The following PDE8A variants were observed in gnomAD, a reference collection of about 807,000 sequenced individuals.
PDE8A encodes the protein phosphodiesterase 8A.
In PDE8A, 59 loss-of-function variants were observed where a neutral mutation model predicts 105.0. That is an observed-to-expected ratio of 0.56 (90% confidence interval 0.46 to 0.70). The LOEUF is 0.70. Ranked by LOEUF, PDE8A falls within the 30% of genes least tolerant of loss-of-function variation. The probability of loss-of-function intolerance (pLI) is 0.00; values close to 1 mark genes in which losing one functional copy is unlikely to be tolerated. For missense variants in PDE8A, 1,014 were observed against 1,045.9 expected (o/e 0.97, Z 0.42); for synonymous variants, 355 against 371.9 (o/e 0.95, Z 0.52).
At chr15:85,091,968 T>C (rs2081651670) in intron 8 of PDE8A, among the ~76,000 whole-genome samples, 1 of 139,566 alleles carries the variant, frequency 7.2e-6, no homozygotes, top group Non-Finnish European at 1.5e-5. Context: ...ATTTCAAACA[T>C]TTGAAAAATT....
chr15:85,049,742 C>T (rs907113751), intron 1 of PDE8A, among the ~76,000 whole-genome samples: 1 of 152,188 alleles, frequency 6.6e-6, no homozygotes, highest in Non-Finnish European at 1.5e-5. Flanking sequence ...TCATTAGACA[C>T]TTGGGCTGTT....
At position 85,133,296 on chromosome 15, in the gene PDE8A, A is replaced by G. The variant is rs185346620; in HGVS notation, c.2254-3238A>G. Among the ~76,000 whole-genome samples the G allele has an allele frequency of 2.5e-4, 38 of 152,288 alleles. 1 individual carries two copies. The highest frequency in any genetic ancestry group is 2.0e-4 in the Admixed American group (3 of 15,292). On this transcript the variant is annotated intron_variant, in intron 20 of 21. Coordinates refer to ENST00000394553, the MANE Select transcript of PDE8A (RefSeq NM_002605.3). ...GCATCCATATTGGTCATCCCCCTGC[A>G]GCTTTCCTGAGCAGTAGTCATTGCT...
intron 8 of PDE8A, among the ~76,000 whole-genome samples, chr15:85,097,634 G>T (rs538896975): frequency 6.6e-6 from 1 of 152,312 alleles, no homozygotes; most frequent in Non-Finnish European, 1.5e-5. Flanking sequence ...TTCAGCAGGT[G>T]GGAGTTATGA....
At chr15:85,015,304 G>A (rs920064272) in intron 1 of PDE8A, among the ~76,000 whole-genome samples, 3 of 151,168 alleles carry the variant, frequency 2.0e-5, no homozygotes, top group East Asian at 1.9e-4. Context: ...ACAGCTCACC[G>A]GAGCCTCGAC....
chr15:85,060,309 A>T (rs914089514), intron 1 of PDE8A, among the ~76,000 whole-genome samples: 1 of 152,372 alleles, frequency 6.6e-6, no homozygotes, highest in East Asian at 1.9e-4. Flanking sequence ...TTCTACTCCT[A>T]TACTGCTTTA....
chr15:85,047,525 C>T (rs1178908480), intron 1 of PDE8A, among the ~76,000 whole-genome samples: 1 of 152,086 alleles, frequency 6.6e-6, no homozygotes, highest in Non-Finnish European at 1.5e-5. Context: ...ATAAAGTAAG[C>T]GTTCAGTGGT....
At position 84,982,239 on chromosome 15, in the gene PDE8A, T is replaced by C; in HGVS notation, c.77T>C (p.Leu26Pro). The C allele has an allele frequency of 4.1e-6, 6 of 1,466,800 alleles. No homozygotes were observed. The highest frequency in any genetic ancestry group is 5.4e-6 in the Non-Finnish European group (6 of 1,118,214). 90.9% of individuals were successfully genotyped at this position (1,466,800 alleles called of 1,614,324 possible). A position where few individuals can be genotyped will look rare whatever the true frequency, so the allele number is the denominator to read the frequency against. ...EDAPSPAAPP[L>P]SSGGPRLPQG... Reference sequence around the variant, plus strand: ...GCGCCTAGCCCCGCGGCACCGCCGCTGTCGTCCGGCGGGCCGCGCCTCCCG... The same window carrying C: ...GCGCCTAGCCCCGCGGCACCGCCGCCGTCGTCCGGCGGGCCGCGCCTCCCG... The change falls in exon 1 of 22, where the codon CTG becomes CCG. Residue 26 changes from leucine to proline, a missense_variant. Physicochemically the swap from Leu to Pro is moderately conservative, Grantham distance 98 (BLOSUM62 -3). Coordinates refer to ENST00000394553, the MANE Select transcript of PDE8A (RefSeq NM_002605.3).
At chr15:85,061,431 G>A (rs1198345065) in intron 1 of PDE8A, among the ~76,000 whole-genome samples, 1 of 151,874 alleles carries the variant, frequency 6.6e-6, no homozygotes, top group African/African-American at 2.4e-5. Context: ...GTAGAGACGG[G>A]GTTTCACCAT....
chr15:85,020,205 T>C (rs554929480), intron 1 of PDE8A, among the ~76,000 whole-genome samples: 47 of 152,314 alleles, frequency 3.1e-4, no homozygotes, highest in African/African-American at 1.1e-3. Flanking sequence ...TTATTTTTTA[T>C]GTGATCTGTC....
chr15:85,104,998 A>G (rs1348988476), intron 11 of PDE8A, among the ~76,000 whole-genome samples: 2 of 152,100 alleles, frequency 1.3e-5, no homozygotes, highest in African/African-American at 4.8e-5. Context: ...ATAAACATAC[A>G]GTATATCAGA....
chr15:85,088,782 T>A (rs1015578466), intron 6 of PDE8A, among the ~76,000 whole-genome samples: 1 of 152,244 alleles, frequency 6.6e-6, no homozygotes, highest in Non-Finnish European at 1.5e-5. Flanking sequence ...TTGTCACTTG[T>A]ATAATTTTAA....
At chr15:85,026,366 A>G (rs1004854144) in intron 1 of PDE8A, among the ~76,000 whole-genome samples, 4 of 152,112 alleles carry the variant, frequency 2.6e-5, no homozygotes, top group Non-Finnish European at 4.4e-5. Context: ...GCTGGGACCA[A>G]TGACCAGAAC....
In PDE8A at chr15:85,090,904, A is replaced by G. The variant is rs796534303; in HGVS notation, c.715-140A>G. On this transcript the variant is annotated intron_variant, in intron 7 of 21. Transcript: ENST00000394553. ...TCGTGGGTTATGTGCTTATGGCTTCACAACTGCCACGGTGAGGTCCAGGCT... is the reference window on the plus strand; with the variant it reads ...TCGTGGGTTATGTGCTTATGGCTTCGCAACTGCCACGGTGAGGTCCAGGCT... 8 of 706,856 alleles carry G rather than the reference A, an allele frequency of 1.1e-5. No homozygotes were observed. The African/African-American group carries it at 1.4e-4, about 12-fold the overall frequency. The allele number at this position is 706,856 out of a possible 1,614,324, so 43.8% of individuals were successfully genotyped here.
intron 11 of PDE8A, among the ~76,000 whole-genome samples, chr15:85,100,724 A>G (rs1415953340): frequency 6.6e-6 from 1 of 152,182 alleles, no homozygotes; most frequent in African/African-American, 2.4e-5. Context: ...TCATGACTTC[A>G]GCAAGCCACT....
intron 1 of PDE8A, among the ~76,000 whole-genome samples, chr15:85,059,632 A>G (rs1476136623): frequency 6.6e-6 from 1 of 152,148 alleles, no homozygotes; most frequent in East Asian, 1.9e-4. Context: ...TGCTGTTAGT[A>G]TAACTTCCCC....
intron 1 of PDE8A, among the ~76,000 whole-genome samples, chr15:84,995,925 T>C (rs1205189448): frequency 6.6e-6 from 1 of 152,174 alleles, no homozygotes; most frequent in African/African-American, 2.4e-5. Flanking sequence ...ATTTTATTGG[T>C]ATTTTAGTTT....
intron 1 of PDE8A, among the ~76,000 whole-genome samples, chr15:85,015,813 T>C (rs1220677802): frequency 6.6e-6 from 1 of 152,176 alleles, no homozygotes; most frequent in East Asian, 1.9e-4. Context: ...CAAATATTCT[T>C]TCCATTTCTT....
At chr15:85,052,492 C>T (rs902184704) in intron 1 of PDE8A, among the ~76,000 whole-genome samples, 4 of 152,162 alleles carry the variant, frequency 2.6e-5, no homozygotes, top group Non-Finnish European at 5.9e-5. Flanking sequence ...CTGTTGTTTC[C>T]TGACTTTTTA....
At chr15:84,995,281 C>T (rs947582348) in intron 1 of PDE8A, among the ~76,000 whole-genome samples, 10 of 150,718 alleles carry the variant, frequency 6.6e-5, no homozygotes, top group South Asian at 4.2e-4. Context: ...TTTGCCTGTT[C>T]TAATTTTAAT....
Sources: gnomAD v4.1 joint callset for allele counts (sites outside exome capture counted in the v4.1 genomes callset) on GRCh38, gnomAD v4.1.1 for gene constraint, MANE v1.5 for transcripts, NCBI Gene and HGNC (gene_info 2026-07-23, HGNC 2026-07-21) for gene names.